The following DLG2 variants were observed in gnomAD, a reference collection of about 807,000 sequenced individuals.
The protein encoded by DLG2 is disks large homolog 2.
Under a neutral mutation model 132.5 loss-of-function variants are expected in DLG2, and 45 were observed. The ratio of observed to expected loss-of-function variants is 0.34; its 90% CI spans 0.27 to 0.44. DLG2 has a LOEUF of 0.44. Among genes scored for constraint, DLG2 ranks in the 20% least tolerant of loss-of-function variants. DLG2 has a pLI of 1.00. For synonymous variants in DLG2, 424 were observed against 419.6 expected (o/e 1.01, Z -0.13); for missense variants, 1,045 against 1,196.9 (o/e 0.87, Z 1.87).
At chr11:84,926,296 T>A (rs2092973807) in intron 6 of DLG2, among the ~76,000 whole-genome samples, 1 of 152,054 alleles carries the variant, frequency 6.6e-6, no homozygotes, top group Admixed American at 6.6e-5. Flanking sequence ...TGGAATTATC[T>A]ATCAAATATT....
intron 18 of DLG2, among the ~76,000 whole-genome samples, chr11:83,766,763 T>C (rs897476595): frequency 6.6e-6 from 1 of 152,206 alleles, no homozygotes; most frequent in Non-Finnish European, 1.5e-5. Flanking sequence ...CTTAACATTC[T>C]TATTTACCAG....
chr11:84,039,259 T>C (rs2095979666), intron 11 of DLG2, among the ~76,000 whole-genome samples: 1 of 151,580 alleles, frequency 6.6e-6, no homozygotes, highest in Non-Finnish European at 1.5e-5. Context: ...AGGGTACATG[T>C]GCACATTGTG....
intron 6 of DLG2, among the ~76,000 whole-genome samples, chr11:84,546,333 T>G (rs1366610472): frequency 6.6e-6 from 1 of 152,166 alleles, no homozygotes; most frequent in Admixed American, 6.5e-5. Flanking sequence ...TGCTTCCTGT[T>G]TGCCTTCTGC....
At chr11:85,486,432 G>A (rs987926966) in intron 3 of DLG2, among the ~76,000 whole-genome samples, 2 of 152,166 alleles carry the variant, frequency 1.3e-5, no homozygotes, top group African/African-American at 2.4e-5. Flanking sequence ...TTCAGCCAGT[G>A]CCTAAACACA....
At chr11:84,616,547 TA>T (rs1477065192) in intron 6 of DLG2, among the ~76,000 whole-genome samples, 4 of 152,058 alleles carry the variant, frequency 2.6e-5, no homozygotes, top group African/African-American at 9.7e-5. Flanking sequence ...AAGCCTCTCA[TA>T]AAATCTCACA....
chr11:83,870,940 T>A (rs374728634), intron 16 of DLG2, among the ~76,000 whole-genome samples: 1 of 152,154 alleles, frequency 6.6e-6, no homozygotes, highest in African/African-American at 2.4e-5. Flanking sequence ...TAGAATGCAA[T>A]GTAAAAGGTA....
At chr11:84,459,624 G>C (rs1009765315) in intron 7 of DLG2, among the ~76,000 whole-genome samples, 1 of 150,486 alleles carries the variant, frequency 6.6e-6, no homozygotes, top group Non-Finnish European at 1.5e-5. Context: ...AACGACATTT[G>C]ACAAGAGTTG....
rs2093621670 is a variant in DLG2 at position 83,755,804 on chromosome 11, T to A, written c.1825+30886A>T. The stretch of plus-strand genomic sequence containing the variant: ...GTGACTATGGCGGTTACTACGCAAT[T>A]AAGGTTAAGAGAATACAGATATCTT... On this transcript the variant is annotated intron_variant, in intron 18 of 27. Transcript: ENST00000376104. 2.6e-5 allele frequency among the ~76,000 whole-genome samples: 4 copies of A among 151,406 alleles called. No individual in the cohort carries two copies. In the South Asian group the frequency reaches 8.3e-4, roughly 31 times the overall value.
At chr11:84,147,367 G>A (rs1296232040) in intron 9 of DLG2, among the ~76,000 whole-genome samples, 1 of 152,114 alleles carries the variant, frequency 6.6e-6, no homozygotes, top group East Asian at 1.9e-4. Context: ...AAAGGAGGAG[G>A]ATGCTTTTTA....
chr11:84,755,940 T>A (rs1019446858), intron 6 of DLG2, among the ~76,000 whole-genome samples: 1 of 152,190 alleles, frequency 6.6e-6, no homozygotes, highest in Non-Finnish European at 1.5e-5. Flanking sequence ...TAATTTTAAC[T>A]AGATATGTAA....
chr11:84,366,157 T>C (rs571764804), intron 7 of DLG2, among the ~76,000 whole-genome samples: 70 of 152,066 alleles, frequency 4.6e-4, no homozygotes, highest in Middle Eastern at 3.4e-3. Context: ...GGGGCCAATA[T>C]TCAACATTCT....
intron 3 of DLG2, among the ~76,000 whole-genome samples, chr11:85,326,426 G>T (rs1439710752): frequency 2.6e-5 from 3 of 114,972 alleles, no homozygotes; most frequent in African/African-American, 1.0e-4. Flanking sequence ...CGGATCTCTC[G>T]GCAGAAACCC....
intron 4 of DLG2, among the ~76,000 whole-genome samples, chr11:85,174,027 C>A (rs1042639276): frequency 6.6e-6 from 1 of 152,086 alleles, no homozygotes; most frequent in Admixed American, 6.5e-5. Context: ...TAGTGGGAGA[C>A]TTAAACACCC....
intron 6 of DLG2, among the ~76,000 whole-genome samples, chr11:85,058,901 T>C (rs1215339603): frequency 6.6e-6 from 1 of 151,436 alleles, no homozygotes; most frequent in African/African-American, 2.4e-5. Context: ...TGAAAAATTC[T>C]AAGAGAGAAC....
chr11:84,631,322 G>C (rs1454576239), intron 6 of DLG2, among the ~76,000 whole-genome samples: 1 of 152,042 alleles, frequency 6.6e-6, no homozygotes, highest in Non-Finnish European at 1.5e-5. Context: ...ATAACTGAGA[G>C]AATGGACATA....
chr11:84,076,392 T>C (rs1355106223), intron 10 of DLG2, among the ~76,000 whole-genome samples: 12 of 152,196 alleles, frequency 7.9e-5, no homozygotes, highest in Non-Finnish European at 1.5e-4. Context: ...GCGCTCACTA[T>C]TTACAAAACA....
At chr11:84,182,874 C>A (rs1291399794) in intron 8 of DLG2, among the ~76,000 whole-genome samples, 1 of 151,884 alleles carries the variant, frequency 6.6e-6, no homozygotes, top group African/African-American at 2.4e-5. Context: ...AAAAAAATGA[C>A]AAAATTGCTA....
At chr11:84,052,407 G>T (rs2096406329) in intron 11 of DLG2, among the ~76,000 whole-genome samples, 1 of 151,616 alleles carries the variant, frequency 6.6e-6, no homozygotes, top group Non-Finnish European at 1.5e-5. Context: ...AAATATTCTA[G>T]TGCTTTTAAA....
intron 3 of DLG2, among the ~76,000 whole-genome samples, chr11:85,456,387 T>A (rs2092423460): frequency 6.6e-6 from 1 of 152,172 alleles, no homozygotes; most frequent in South Asian, 2.1e-4. Flanking sequence ...TAGCAGTCTA[T>A]CTATCTTACT....
Sources: gnomAD v4.1 joint callset for allele counts (sites outside exome capture counted in the v4.1 genomes callset) on GRCh38, gnomAD v4.1.1 for gene constraint, MANE v1.5 for transcripts, NCBI Gene and HGNC (gene_info 2026-07-23, HGNC 2026-07-21) for gene names.